The following PUM1 variants were observed in gnomAD, a reference collection of about 807,000 sequenced individuals.
The protein encoded by PUM1 is pumilio RNA binding family member 1.
Under a neutral mutation model 131.8 loss-of-function variants are expected in PUM1, and 13 were observed. The ratio of observed to expected loss-of-function variants is 0.10; its 90% CI spans 0.06 to 0.16. PUM1 has a LOEUF of 0.16. Ranked by LOEUF, PUM1 falls within the 10% of genes least tolerant of loss-of-function variation. PUM1 has a pLI of 1.00. For missense variants in PUM1, 961 were observed against 1,512.4 expected, an observed-to-expected ratio of 0.64 and a Z score of 6.05; for synonymous variants, 509 against 556.5, an observed-to-expected ratio of 0.91 and a Z score of 1.20.
chr1:31,063,520 C>T (rs924505232), intron 1 of PUM1, among the ~76,000 whole-genome samples: 6 of 152,072 alleles, frequency 3.9e-5, no homozygotes, highest in African/African-American at 1.4e-4. Context: ...GGACAATGTA[C>T]GTTATTCCAG....
intron 10 of PUM1, among the ~76,000 whole-genome samples, chr1:30,973,500 C>T (rs1030276581): frequency 1.3e-5 from 2 of 152,036 alleles, no homozygotes; most frequent in Admixed American, 6.5e-5. Context: ...ATTTAAAACA[C>T]CAAAATACTG....
intron 14 of PUM1, among the ~76,000 whole-genome samples, chr1:30,958,786 T>C (rs1640278979): frequency 6.6e-6 from 1 of 152,202 alleles, no homozygotes; most frequent in Non-Finnish European, 1.5e-5. Context: ...GATCTAGTTG[T>C]TAAGAAAATT....
At chr1:30,985,782 A>T (rs566812308) in intron 7 of PUM1, among the ~76,000 whole-genome samples, 2 of 152,272 alleles carry the variant, frequency 1.3e-5, no homozygotes, top group Admixed American at 6.5e-5. Context: ...TCTGCATTAT[A>T]CTACTTTAAG....
chr1:31,040,644 G>GGCATA (rs1230332044), intron 2 of PUM1, among the ~76,000 whole-genome samples: 1 of 152,178 alleles, frequency 6.6e-6, no homozygotes, highest in South Asian at 2.1e-4. Flanking sequence ...GGCATGCGAA[G>GGCATA]GCATATGCCT....
intron 2 of PUM1, among the ~76,000 whole-genome samples, chr1:31,035,514 G>C (rs1356888114): frequency 6.6e-6 from 1 of 152,136 alleles, no homozygotes. Flanking sequence ...CACTTTCGGA[G>C]GCCGAGGCGG....
At chr1:31,060,107 G>A (rs945587206) in intron 1 of PUM1, among the ~76,000 whole-genome samples, 14 of 150,308 alleles carry the variant, frequency 9.3e-5, no homozygotes, top group South Asian at 2.2e-4. Flanking sequence ...CTCGGCCTCC[G>A]GAAGTGCTGG....
chr1:30,946,721 T>G (rs1639692462), intron 17 of PUM1, among the ~76,000 whole-genome samples: 1 of 151,300 alleles, frequency 6.6e-6, no homozygotes, highest in Non-Finnish European at 1.5e-5. Context: ...AGTACAGTTT[T>G]GAAAAATCAT....
intron 3 of PUM1, among the ~76,000 whole-genome samples, chr1:31,014,926 A>C (rs923294989): frequency 1.3e-5 from 2 of 152,198 alleles, no homozygotes; most frequent in South Asian, 4.1e-4. Context: ...CCAGGAATTC[A>C]AGACTAGCCT....
intron 2 of PUM1, among the ~76,000 whole-genome samples, chr1:31,030,708 G>A (rs1192791237): frequency 5.5e-5 from 4 of 72,664 alleles, no homozygotes; most frequent in East Asian, 1.6e-3. Context: ...GACAGTGTCC[G>A]GAAAAAAAAA....
chr1:31,052,193 T>C (rs1644128485), intron 2 of PUM1, among the ~76,000 whole-genome samples: 1 of 151,860 alleles, frequency 6.6e-6, no homozygotes, highest in Admixed American at 6.6e-5. Flanking sequence ...TTCATATTTT[T>C]AGTAGAGACA....
intron 5 of PUM1, among the ~76,000 whole-genome samples, chr1:30,999,782 G>A (rs1642138166): frequency 6.6e-6 from 1 of 152,114 alleles, no homozygotes; most frequent in Admixed American, 6.6e-5. Flanking sequence ...ATGCCTAAAA[G>A]TTTTATAAAG....
intron 14 of PUM1, 104 bp from the exon 15 acceptor site, chr1:30,954,085 C>G: frequency 8.2e-7 from 1 of 1,216,638 alleles, no homozygotes; most frequent in Non-Finnish European, 1.1e-6. Context: ...TTTCTGATTT[C>G]TTCAATGCTG....
intron 3 of PUM1, among the ~76,000 whole-genome samples, chr1:31,011,413 T>A (rs1008747868): frequency 1.3e-4 from 20 of 152,230 alleles, no homozygotes; most frequent in African/African-American, 4.8e-4. Flanking sequence ...CTGGCTTTTT[T>A]AACTCGGCAA....
chr1:30,972,629 C>A (rs889450191), intron 10 of PUM1, among the ~76,000 whole-genome samples: 1 of 149,454 alleles, frequency 6.7e-6, no homozygotes, highest in African/African-American at 2.5e-5. Context: ...CAAAAATTAG[C>A]CAGGTGTGGC....
At chr1:31,013,548 G>A (rs1030882032) in intron 3 of PUM1, among the ~76,000 whole-genome samples, 2 of 152,162 alleles carry the variant, frequency 1.3e-5, no homozygotes, top group African/African-American at 4.8e-5. Flanking sequence ...TAGTTTCACT[G>A]GAATGCAGCC....
intron 20 of PUM1, among the ~76,000 whole-genome samples, chr1:30,940,261 T>C (rs2124386144): frequency 6.6e-6 from 1 of 152,252 alleles, no homozygotes; most frequent in African/African-American, 2.4e-5. Flanking sequence ...GAGGATTAAG[T>C]CCAGGAGTTC....
chr1:31,037,978 C>G (rs1643669543), intron 2 of PUM1, among the ~76,000 whole-genome samples: 1 of 151,172 alleles, frequency 6.6e-6, no homozygotes, highest in African/African-American at 2.4e-5. Context: ...ACTTGGGAGG[C>G]TGAGGCAGGA....
intron 15 of PUM1, among the ~76,000 whole-genome samples, chr1:30,952,674 C>G (rs552388923): frequency 0.016 from 705 of 43,018 alleles, 1 homozygote; most frequent in Admixed American, 0.031. Context: ...AAGATGAAAG[C>G]GGGGGGGGCG....
At chr1:31,038,984 A>ATATTTTTT in intron 2 of PUM1, among the ~76,000 whole-genome samples, 5 of 49,416 alleles carry the variant, frequency 1.0e-4, no homozygotes, top group South Asian at 8.2e-4. Flanking sequence ...ATATATATAT[A>ATATTTTTT]TTTTTTTTTT....
Sources: gnomAD v4.1 joint callset for allele counts (sites outside exome capture counted in the v4.1 genomes callset) on GRCh38, gnomAD v4.1.1 for gene constraint, MANE v1.5 for transcripts, NCBI Gene and HGNC (gene_info 2026-07-23, HGNC 2026-07-21) for gene names.